Variants in RYR2 observed in about 807,000 individuals in gnomAD.
The protein encoded by RYR2 is ryanodine receptor 2.
Under a neutral mutation model 601.1 loss-of-function variants are expected in RYR2, and 227 were observed. The observed-to-expected ratio is 0.38, with a 90% CI of 0.34 to 0.42. The LOEUF (loss-of-function observed/expected upper bound fraction) is 0.42. RYR2 is among the 10% of genes least tolerant of loss of function. The pLI, the probability that RYR2 is intolerant of heterozygous loss-of-function variation, is 1.00. For synonymous variants in RYR2, 2,223 were observed against 2,175.1 expected (o/e 1.02, Z -0.61); for missense variants, 4,646 against 6,156.5 (o/e 0.75, Z 8.21).
chr1:237,155,182 T>TTC (rs1553319699), intron 1 of RYR2, among the ~76,000 whole-genome samples: 9 of 146,456 alleles, frequency 6.1e-5, no homozygotes, highest in South Asian at 4.3e-4. Flanking sequence ...TTCTTTTCTT[T>TTC]TTTTTTTTTT....
At chr1:237,653,968 A>T (rs1168298604) in intron 51 of RYR2, among the ~76,000 whole-genome samples, 1 of 152,172 alleles carries the variant, frequency 6.6e-6, no homozygotes, top group African/African-American at 2.4e-5. Flanking sequence ...GCCCACCCAG[A>T]TTGAGAATGG....
At chr1:237,377,013 T>G (rs1433099251) in intron 7 of RYR2, among the ~76,000 whole-genome samples, 5 of 152,218 alleles carry the variant, frequency 3.3e-5, no homozygotes, top group Non-Finnish European at 7.3e-5. Flanking sequence ...TGTGAGTGTG[T>G]AAAGAATGAA....
intron 28 of RYR2, 78 bp from the exon 29 acceptor site, chr1:237,569,067 A>C (rs1672386843): frequency 1.5e-6 from 2 of 1,296,278 alleles, no homozygotes; most frequent in African/African-American, 2.9e-5. Context: ...GACTGCTGTT[A>C]GGTCGTGACA....
intron 17 of RYR2, among the ~76,000 whole-genome samples, chr1:237,477,948 G>A (rs1661589240): frequency 1.3e-5 from 2 of 152,212 alleles, no homozygotes; most frequent in Admixed American, 1.3e-4. Context: ...GTGTGATATA[G>A]TGAAAGTAGT....
chr1:237,711,832 T>A lies in RYR2; in HGVS notation c.10318T>A (p.Ser3440Thr). The A allele has an allele frequency of 7.4e-7, 1 of 1,355,920 alleles. No homozygotes were observed. The highest frequency in any genetic ancestry group is 1.1e-6 in the Non-Finnish European group (1 of 947,318). The allele number at this position is 1,355,920 out of a possible 1,614,324, so 84.0% of individuals were successfully genotyped here. A position where few individuals can be genotyped will look rare whatever the true frequency, so the allele number is the denominator to read the frequency against. The change falls in exon 71 of 105, where the codon TCA becomes ACA. Residue 3440 changes from serine to threonine, a missense_variant. By Grantham distance (58) the Ser-to-Thr change is moderately conservative (BLOSUM62 1). Around this residue, in one of 17 missense-constraint regions of RYR2, gnomAD observed 1,497 missense variants for 1,842.6 expected, o/e 0.81. Coordinates refer to ENST00000366574, the MANE Select transcript of RYR2 (RefSeq NM_001035.3). Reference sequence around the variant, plus strand: ...TATTACTGATACCAAGTCAAAGATGTCAAAGGTATTACTATAAACTGTTTC... The same window carrying A: ...TATTACTGATACCAAGTCAAAGATGACAAAGGTATTACTATAAACTGTTTC... ...FLITDTKSKM[S>T]KAAVSDQERK... is the part of the protein sequence containing the mutation.
intron 1 of RYR2, among the ~76,000 whole-genome samples, chr1:237,153,864 G>T (rs1165032247): frequency 2.0e-5 from 3 of 152,072 alleles, no homozygotes; most frequent in Non-Finnish European, 4.4e-5. Flanking sequence ...GGCAAACAGG[G>T]TTTTTGTTTT....
intron 90 of RYR2, 116 bp from the exon 91 acceptor site, chr1:237,785,853 T>C: frequency 1.3e-6 from 1 of 751,898 alleles, no homozygotes; most frequent in East Asian, 2.7e-5. Flanking sequence ...TATCGTGGTA[T>C]AAGCAAGAGG....
rs570813198 is a variant in RYR2, at chr1:237,657,806, A to C, written c.8130-138A>C. On this transcript the variant is annotated intron_variant, in intron 53 of 104. Coordinates refer to ENST00000366574, the MANE Select transcript of RYR2 (RefSeq NM_001035.3). ...TATTGTTGTGAAAATAGAAAAATGT[A>C]ATTCTAAAAAAAGAAGTCGTGTTTA... is the stretch of plus-strand genomic sequence containing the variant. 1.0e-4 allele frequency: 53 copies of C among 516,826 alleles called. 1 individual carries two copies. In the South Asian group the frequency reaches 1.5e-3, roughly 14 times the overall value. 32.0% of individuals were successfully genotyped at this position (516,826 alleles called of 1,614,324 possible). A position where few individuals can be genotyped will look rare whatever the true frequency, so the allele number is the denominator to read the frequency against.
intron 1 of RYR2, among the ~76,000 whole-genome samples, chr1:237,253,859 C>G (rs1157853516): frequency 1.3e-5 from 2 of 152,124 alleles, no homozygotes; most frequent in African/African-American, 2.4e-5. Flanking sequence ...TGATAATCAA[C>G]ATGTTAATTA....
At chr1:237,466,833 T>C (rs1007579259) in intron 16 of RYR2, among the ~76,000 whole-genome samples, 5 of 151,792 alleles carry the variant, frequency 3.3e-5, no homozygotes, top group Non-Finnish European at 7.4e-5. Context: ...TTTTATATTA[T>C]GATATTGATT....
chr1:237,806,872 CTTAATG>C (rs1049004403), intron 99 of RYR2, among the ~76,000 whole-genome samples: 4 of 152,188 alleles, frequency 2.6e-5, no homozygotes, highest in East Asian at 1.9e-4. Context: ...GGAACCTGTT[CTTAATG>C]TTAAGACTTC....
intron 1 of RYR2, among the ~76,000 whole-genome samples, chr1:237,099,160 A>AT (rs1197912638): frequency 6.6e-6 from 1 of 152,020 alleles, no homozygotes; most frequent in Non-Finnish European, 1.5e-5. Context: ...ATTTAAGTTA[A>AT]TTCAGCCCAG....
intron 1 of RYR2, among the ~76,000 whole-genome samples, chr1:237,100,338 ATTCTCTC>A (rs1399250964): frequency 1.3e-5 from 2 of 149,746 alleles, no homozygotes; most frequent in African/African-American, 2.5e-5. Context: ...TCGCTTCTCG[ATTCTCTC>A]TTCTCTCTTC....
At chr1:237,626,725 C>G (rs1679715077) in intron 40 of RYR2, among the ~76,000 whole-genome samples, 1 of 150,662 alleles carries the variant, frequency 6.6e-6, no homozygotes, top group Admixed American at 6.6e-5. Context: ...AGGCATGCAC[C>G]AAGACGCCTG....
chr1:237,433,739 G>A (rs770467933), intron 12 of RYR2, among the ~76,000 whole-genome samples: 10 of 152,134 alleles, frequency 6.6e-5, no homozygotes, highest in Admixed American at 1.3e-4. Context: ...TTCCCATGAA[G>A]AAGAGTTATA....
Position 237,772,106 on chromosome 1 carries a change from T to G in RYR2, c.11646+6T>G. 1.4e-6 allele frequency: 2 copies of G among 1,419,570 alleles called. No homozygotes were observed. Among genetic ancestry groups the G allele is most frequent in the South Asian group, 2.5e-5 (2 of 81,410 alleles). 87.9% of individuals were successfully genotyped at this position (1,419,570 alleles called of 1,614,324 possible). ...ACTACCTACTGAGAGTTCAGGTATG[T>G]TGCTTTCCATATTAGTAACAAATTA... is the stretch of plus-strand genomic sequence containing the variant. On this transcript the variant is annotated splice_donor_region_variant and intron_variant, in intron 86 of 104. Coordinates refer to ENST00000366574, the MANE Select transcript of RYR2 (RefSeq NM_001035.3).
At chr1:237,620,202 G>T (rs1395082067) in intron 38 of RYR2, among the ~76,000 whole-genome samples, 1 of 152,006 alleles carries the variant, frequency 6.6e-6, no homozygotes, top group Non-Finnish European at 1.5e-5. Context: ...GGGAGATAAG[G>T]TTTCTATCCT....
rs188946282 is a variant in RYR2, at chr1:237,180,205, C to T, written c.49-90292C>T. ...GCATTTGGTCCCCAGGTCAGGAAGG[C>T]GAGGCTCCTGGGGCTGGCTAGAGGA... On this transcript the variant is annotated intron_variant, in intron 1 of 104. Transcript: ENST00000366574. The surrounding 1 kb of genome is among the most constrained non-coding windows in gnomAD (Gnocchi z 5.3). Among the ~76,000 whole-genome samples, 3 of 152,086 alleles carry T rather than the reference C, an allele frequency of 2.0e-5. No homozygotes were observed. Among genetic ancestry groups the T allele is most frequent in the African/African-American group, 4.8e-5 (2 of 41,480 alleles).
chr1:237,821,235 T>C (rs571570818), intron 101 of RYR2, among the ~76,000 whole-genome samples: 12 of 152,214 alleles, frequency 7.9e-5, no homozygotes, highest in African/African-American at 2.4e-4. Context: ...GACTGGGAGA[T>C]ACCTCCCAGT....
Sources: allele counts gnomAD v4.1 joint callset (sites outside exome capture counted in the v4.1 genomes callset), GRCh38; gene constraint gnomAD v4.1.1; regional missense constraint gnomAD v4.1.1; non-coding constraint Gnocchi (gnomAD v3.1); transcripts MANE v1.5; gene names NCBI Gene and HGNC (gene_info 2026-07-23, HGNC 2026-07-21).